The following SECTM1 variants were observed in gnomAD, a reference collection of about 807,000 sequenced individuals.
The protein encoded by SECTM1 is secreted and transmembrane 1.
SECTM1 carries 10 observed loss-of-function variants against 18.1 expected under a neutral mutation model. The observed-to-expected ratio is 0.55, with a 90% CI of 0.34 to 0.94. The LOEUF is 0.94. Ranked by LOEUF, SECTM1 falls within the 40% of genes least tolerant of loss-of-function variation. The probability of loss-of-function intolerance (pLI) is 0.02; values close to 1 mark genes in which losing one functional copy is unlikely to be tolerated. For missense variants in SECTM1, 297 were observed against 322.6 expected, an observed-to-expected ratio of 0.92 and a Z score of 0.61; for synonymous variants, 137 against 139.2, an observed-to-expected ratio of 0.98 and a Z score of 0.11.
rs1365529624 is a variant in SECTM1 at position 82,325,460 on chromosome 17, T to A, written c.95-570A>T. Among the ~76,000 whole-genome samples, 1 of 152,210 alleles carries A rather than the reference T, an allele frequency of 6.6e-6. No homozygotes were observed. Among genetic ancestry groups the A allele is most frequent in the African/African-American group, 2.4e-5 (1 of 41,454 alleles). ...AGACATGGGTTCCAGCCTGTCCTTG[T>A]GGGGCCCAGCCTGCTTGTGCCACCC... is the stretch of plus-strand genomic sequence containing the variant. On this transcript the variant is annotated intron_variant, in intron 2 of 4. Transcript: ENST00000269389. The surrounding 1 kb of genome is among the most constrained non-coding windows in gnomAD (Gnocchi z 7.6).
intron 1 of SECTM1, among the ~76,000 whole-genome samples, chr17:82,327,498 C>T (rs527545194): frequency 5.9e-5 from 9 of 152,318 alleles, no homozygotes; most frequent in East Asian, 1.9e-4. Flanking sequence ...AAAGAAGACA[C>T]GCGGGGGCGG....
chr17:82,328,910 C>G lies in SECTM1; in HGVS notation c.-52-1618G>C, dbSNP rs956701961. On this transcript the variant is annotated intron_variant, in intron 1 of 4. Transcript: ENST00000269389. The surrounding 1 kb of genome is among the most constrained non-coding windows in gnomAD (Gnocchi z 5.8). ...CTCCCAGCTCCCAGTGCAGCCCACA[C>G]GCCGGAGTGCAGATGACCTGCAGGG... Among the ~76,000 whole-genome samples, 1 of 152,230 alleles carries G rather than the reference C, an allele frequency of 6.6e-6. No homozygotes were observed. Among genetic ancestry groups the G allele is most frequent in the Non-Finnish European group, 1.5e-5 (1 of 68,032 alleles).
In SECTM1 at chr17:82,324,814, G is replaced by A; in HGVS notation, c.171C>T (p.Ile57=). The change falls in exon 3 of 5, where the codon ATC becomes ATT. Residue 57 remains isoleucine, a synonymous_variant. Transcript: ENST00000269389. ...TGTTGACATGGGAGAAGGCGTTGGA[G>A]ATGTTGCAGGACATGACGGTGTTCT... ...WGENTVMSCN[I]SNAFSHVNIK... 1 of 1,614,108 alleles carries A rather than the reference G, an allele frequency of 6.2e-7. No individual in the cohort carries two copies. Among genetic ancestry groups the A allele is most frequent in the Non-Finnish European group, 8.5e-7 (1 of 1,180,020 alleles).
intron 1 of SECTM1, among the ~76,000 whole-genome samples, chr17:82,327,567 T>G (rs2052157390): frequency 6.6e-6 from 1 of 152,216 alleles, no homozygotes; most frequent in Admixed American, 6.5e-5. Context: ...TCAGCCCTTT[T>G]GTTTTACAAT....
chr17:82,322,901 G>A lies in SECTM1; in HGVS notation c.514C>T (p.Arg172Cys), dbSNP rs139843049. Reference sequence around the variant, plus strand: ...ACCTCCCGGCGTTGCTGGGAACAGCGGCACCTGTACCAGGCGAACATGACC... The same window carrying A: ...ACCTCCCGGCGTTGCTGGGAACAGCAGCACCTGTACCAGGCGAACATGACC... ...ALVMFAWYRC[R>C]CSQQRREKKF... Residue 172 changes from arginine (R) to cysteine (C), a missense_variant, in exon 4 of 5, where the codon CGC becomes TGC. By Grantham distance (180) the Arg-to-Cys change is radical. Transcript: ENST00000269389. 1.5e-5 allele frequency: 24 copies of A among 1,613,726 alleles called. No individual in the cohort carries two copies. The highest frequency in any genetic ancestry group is 5.0e-5 in the Admixed American group (3 of 59,994).
In SECTM1 at chr17:82,325,278, C is replaced by T. The variant is rs1046361802; in HGVS notation, c.95-388G>A. ...GGCAGGAGTGCTGCCACTGACCTGC[C>T]GAATCACCCTCCTCGTGGGAAGCAG... On this transcript the variant is annotated intron_variant, in intron 2 of 4. Transcript: ENST00000269389. This position sits in a 1 kb window ranked among gnomAD's most constrained non-coding sequence, Gnocchi z 7.6. Among the ~76,000 whole-genome samples the T allele has an allele frequency of 1.8e-4, 28 of 152,176 alleles. No individual in the cohort carries two copies. Among genetic ancestry groups the T allele is most frequent in the African/African-American group, 6.8e-4 (28 of 41,448 alleles).
Position 82,325,810 on chromosome 17 carries a change from T to G in SECTM1, c.95-920A>C, listed in dbSNP as rs2052140766. Among the ~76,000 whole-genome samples the G allele has an allele frequency of 6.6e-6, 1 of 152,134 alleles. No individual in the cohort carries two copies. The highest frequency in any genetic ancestry group is 1.5e-5 in the Non-Finnish European group (1 of 68,026). ...CCACCAGTGACTGGACACGGACGGATGGACGGACAGACGGACGGCAGGGTG... is the reference window on the plus strand; with the variant it reads ...CCACCAGTGACTGGACACGGACGGAGGGACGGACAGACGGACGGCAGGGTG... On this transcript the variant is annotated intron_variant, in intron 2 of 4. Transcript: ENST00000269389. This position sits in a 1 kb window ranked among gnomAD's most constrained non-coding sequence, Gnocchi z 7.6.
In SECTM1 at chr17:82,325,729, G is replaced by A. The variant is rs546749948; in HGVS notation, c.95-839C>T. On this transcript the variant is annotated intron_variant, in intron 2 of 4. Transcript: ENST00000269389. The surrounding 1 kb of genome is among the most constrained non-coding windows in gnomAD (Gnocchi z 7.6). ...GCCTGAGATTCAGGCCGTCGGGCCC[G>A]AGCATGGTACCAGCCTGAGGTCTTG... Among the ~76,000 whole-genome samples, 5 of 152,334 alleles carry A rather than the reference G, an allele frequency of 3.3e-5. No individual in the cohort carries two copies. Among genetic ancestry groups the A allele is most frequent in the South Asian group, 2.1e-4 (1 of 4,826 alleles).
rs573887605 is a variant in SECTM1, at chr17:82,331,074, T to C, written c.-53+2626A>G. Among the ~76,000 whole-genome samples, 3 of 152,232 alleles carry C rather than the reference T, an allele frequency of 2.0e-5. No homozygotes were observed. The South Asian group carries it at 6.2e-4, about 32-fold the overall frequency. The stretch of plus-strand genomic sequence containing the variant: ...CTCCAATGTTGGCGACCCTGACCCT[T>C]GTCCAGCCAGGGGTGAAGGGCGGCA... On this transcript the variant is annotated intron_variant, in intron 1 of 4. Coordinates refer to ENST00000269389, the MANE Select transcript of SECTM1 (RefSeq NM_003004.3).
At position 82,326,377 on chromosome 17, in the gene SECTM1, A is replaced by T. The variant is rs2052145499; in HGVS notation, c.94+770T>A. 6.6e-6 allele frequency among the ~76,000 whole-genome samples: 1 copy of T among 152,018 alleles called. No homozygotes were observed. Among genetic ancestry groups the T allele is most frequent in the Non-Finnish European group, 1.5e-5 (1 of 68,006 alleles). On this transcript the variant is annotated intron_variant, in intron 2 of 4. Coordinates refer to ENST00000269389, the MANE Select transcript of SECTM1 (RefSeq NM_003004.3). The surrounding 1 kb of genome is among the most constrained non-coding windows in gnomAD (Gnocchi z 4.3). ...CACTTTGGGAGGCCGAGGTGGGAGG[A>T]TCACTTGAGCCCAGGAGTTTGAGAC... is the stretch of plus-strand genomic sequence containing the variant.
chr17:82,324,427 T>C (rs11871302), intron 3 of SECTM1, among the ~76,000 whole-genome samples, 155 bp downstream of exon 3: 111,788 of 151,200 alleles, frequency 0.74, 42,052 homozygotes, highest in Non-Finnish European at 0.81. Flanking sequence ...CCCAACTCTC[T>C]ACCCGCCAAC....
intron 1 of SECTM1, among the ~76,000 whole-genome samples, chr17:82,333,495 C>T (rs1265271542): frequency 6.7e-6 from 1 of 149,290 alleles, no homozygotes; most frequent in Non-Finnish European, 1.5e-5. Context: ...GTCCCAGAGG[C>T]AGAGGCGCCG....
chr17:82,324,650 G>C lies in SECTM1; in HGVS notation c.335C>G (p.Ala112Gly). The C allele has an allele frequency of 6.2e-7, 1 of 1,613,834 alleles. No individual in the cohort carries two copies. Among genetic ancestry groups the C allele is most frequent in the African/African-American group, 1.3e-5 (1 of 74,938 alleles). ...CACGAGGTGCCACATGTACAGCCCAGCATGGGAGTCCCGGGCGCCTTTGAT... is the reference window on the plus strand; with the variant it reads ...CACGAGGTGCCACATGTACAGCCCACCATGGGAGTCCCGGGCGCCTTTGAT... ...LVIKGARDSH[A>G]GLYMWHLVGH... Residue 112 changes from alanine (A) to glycine (G), a missense_variant, in exon 3 of 5, where the codon GCT (alanine) becomes GGT (glycine). Transcript: ENST00000269389.
rs954209580 is a variant in SECTM1 at position 82,325,385 on chromosome 17, G to A, written c.95-495C>T. Among the ~76,000 whole-genome samples, 6 of 152,234 alleles carry A rather than the reference G, an allele frequency of 3.9e-5. No individual in the cohort carries two copies. The highest frequency in any genetic ancestry group is 7.3e-5 in the Non-Finnish European group (5 of 68,052). ...GCAGGTGCTCGGCTGCGTGAGGAAG[G>A]GCAGGGCTTCTGCAGACACCCACAG... On this transcript the variant is annotated intron_variant, in intron 2 of 4. Coordinates refer to ENST00000269389, the MANE Select transcript of SECTM1 (RefSeq NM_003004.3). The surrounding 1 kb of genome is among the most constrained non-coding windows in gnomAD (Gnocchi z 7.6).
At chr17:82,331,006 C>T (rs752704445) in intron 1 of SECTM1, among the ~76,000 whole-genome samples, 1 of 152,234 alleles carries the variant, frequency 6.6e-6, no homozygotes, top group African/African-American at 2.4e-5. Flanking sequence ...CTCCCCGGTC[C>T]TCCCTTCCTC....
chr17:82,322,405 G>A lies in SECTM1; in HGVS notation c.538-35C>T, dbSNP rs373868596. The A allele has an allele frequency of 3.8e-5, 61 of 1,596,550 alleles. No homozygotes were observed. The Admixed American group carries it at 5.4e-4, about 14-fold the overall frequency. ...GAGGAAGGAGGTGCCTGTGTGAGCC[G>A]CGCGCCCCCGTGCCCACAGCTCTGC... is the stretch of plus-strand genomic sequence containing the variant. On this transcript the variant is annotated intron_variant, in intron 4 of 4. Transcript: ENST00000269389.
rs529947017 is a variant in SECTM1, at chr17:82,326,848, G to C, written c.94+299C>G. ...CCCTTGGAAACTGGTCGTGATCTTG[G>C]TCCTTCCCCACAATTGCTCTGACAG... On this transcript the variant is annotated intron_variant, in intron 2 of 4. Coordinates refer to ENST00000269389, the MANE Select transcript of SECTM1 (RefSeq NM_003004.3). This position sits in a 1 kb window ranked among gnomAD's most constrained non-coding sequence, Gnocchi z 4.3. Among the ~76,000 whole-genome samples the C allele has an allele frequency of 6.8e-6, 1 of 147,750 alleles. No homozygotes were observed. Among genetic ancestry groups the C allele is most frequent in the Non-Finnish European group, 1.5e-5 (1 of 66,850 alleles).
Position 82,325,041 on chromosome 17 carries a change from T to C in SECTM1, c.95-151A>G. ...ACATCCACCCGACCCAATCAGCACA[T>C]ATATCTCGTGTGGGAAGAATAAAAT... On this transcript the variant is annotated intron_variant, in intron 2 of 4. Coordinates refer to ENST00000269389, the MANE Select transcript of SECTM1 (RefSeq NM_003004.3). The surrounding 1 kb of genome is among the most constrained non-coding windows in gnomAD (Gnocchi z 7.6). 1.5e-6 allele frequency: 1 copy of C among 684,468 alleles called. No individual in the cohort carries two copies. 42.4% of individuals were successfully genotyped at this position (684,468 alleles called of 1,614,324 possible).
At position 82,322,096 on chromosome 17, in the gene SECTM1, G is replaced by T. The variant is rs1051971737; in HGVS notation, c.*65C>A. The stretch of plus-strand genomic sequence containing the variant: ...CCCTCCGGGTGGGACGAGAGACCCA[G>T]GCCCCGCCACCCAAGGTCGGCACTC... On this transcript the variant is annotated 3_prime_UTR_variant, in exon 5 of 5. Coordinates refer to ENST00000269389, the MANE Select transcript of SECTM1 (RefSeq NM_003004.3). The T allele has an allele frequency of 2.0e-5, 30 of 1,536,732 alleles. No homozygotes were observed. Among genetic ancestry groups the T allele is most frequent in the Admixed American group, 6.8e-5 (4 of 59,198 alleles).
Sources: allele counts gnomAD v4.1 joint callset (sites outside exome capture counted in the v4.1 genomes callset), GRCh38; gene constraint gnomAD v4.1.1; non-coding constraint Gnocchi (gnomAD v3.1); transcripts MANE v1.5; gene names NCBI Gene and HGNC (gene_info 2026-07-23, HGNC 2026-07-21).